Variants in VWA8 observed in about 807,000 individuals in gnomAD.
VWA8 encodes von Willebrand factor A domain-containing protein 8.
In VWA8, 221 loss-of-function variants were observed where a neutral mutation model predicts 241.5. The observed-to-expected ratio is 0.91, with a 90% CI of 0.82 to 1.02. VWA8 has a LOEUF of 1.02. Among genes scored for constraint, VWA8 ranks in the 50% least tolerant of loss-of-function variants. The pLI is 0.00. For missense variants in VWA8, 2,322 were observed against 2,328.7 expected (o/e 1.00, Z 0.06); for synonymous variants, 852 against 827.1 (o/e 1.03, Z -0.52).
chr13:41,647,861 T>G (rs2044841654), intron 37 of VWA8, among the ~76,000 whole-genome samples: 2 of 152,018 alleles, frequency 1.3e-5, no homozygotes, highest in African/African-American at 2.4e-5. Context: ...TCATGACGCA[T>G]GCCTGTAATC....
At chr13:41,599,776 G>A (rs574500405) in intron 40 of VWA8, among the ~76,000 whole-genome samples, 21 of 152,190 alleles carry the variant, frequency 1.4e-4, no homozygotes, top group African/African-American at 4.6e-4. Flanking sequence ...CATTGCAATG[G>A]GGCCAACTTT....
intron 2 of VWA8, among the ~76,000 whole-genome samples, chr13:41,914,666 T>C (rs997012436): frequency 6.6e-6 from 1 of 152,228 alleles, no homozygotes; most frequent in Non-Finnish European, 1.5e-5. Flanking sequence ...AAAAACACTT[T>C]GGGTTTTTTC....
chr13:41,580,950 T>C (rs1248415961), intron 42 of VWA8, among the ~76,000 whole-genome samples: 1 of 152,210 alleles, frequency 6.6e-6, no homozygotes, highest in Non-Finnish European at 1.5e-5. Flanking sequence ...AATGCCTTGT[T>C]TTCTTCTGTC....
rs578096236 is a variant in VWA8, at chr13:41,928,271, A to G, written c.242-16103T>C. On this transcript the variant is annotated intron_variant, in intron 2 of 44. Transcript: ENST00000379310. ...AATAAGCCTAACAGACATATTTGAA[A>G]TTTTTCATCCAACATCAGCAGTATA... Among the ~76,000 whole-genome samples, 20 of 152,300 alleles carry G rather than the reference A, an allele frequency of 1.3e-4. No individual in the cohort carries two copies. In the South Asian group the frequency reaches 4.1e-3, roughly 32 times the overall value.
chr13:41,728,646 A>G (rs947645914), intron 23 of VWA8, among the ~76,000 whole-genome samples: 2 of 151,764 alleles, frequency 1.3e-5, no homozygotes, highest in Admixed American at 6.6e-5. Context: ...GAAAGTATTC[A>G]GGGTAACTCA....
intron 17 of VWA8, among the ~76,000 whole-genome samples, chr13:41,787,992 TTTAACATTATC>T (rs1869283939): frequency 6.6e-6 from 1 of 152,182 alleles, no homozygotes; most frequent in Non-Finnish European, 1.5e-5. Context: ...TCTGAATGAA[TTTAACATTATC>T]TAGCTTCGTT....
At position 41,752,569 on chromosome 13, in the gene VWA8, T is replaced by C. The variant is rs547441513; in HGVS notation, c.2426+8559A>G. 2.8e-4 allele frequency among the ~76,000 whole-genome samples: 42 copies of C among 152,308 alleles called. No homozygotes were observed. The South Asian group carries it at 5.4e-3, about 20-fold the overall frequency. ...AACATACAGTGAATAAACCAGGTTC[T>C]TGCCCTCAAAAAGTTCCCTATTTAG... On this transcript the variant is annotated intron_variant, in intron 21 of 44. Transcript: ENST00000379310.
chr13:41,716,242 C>A (rs1394720425), intron 26 of VWA8, among the ~76,000 whole-genome samples: 1 of 151,866 alleles, frequency 6.6e-6, no homozygotes, highest in African/African-American at 2.4e-5. Flanking sequence ...AATAAAATAA[C>A]CACCCAATAA....
chr13:41,590,886 T>C, intron 40 of VWA8, 121 bp from the exon 41 acceptor site: 1 of 1,254,794 alleles, frequency 8.0e-7, no homozygotes, highest in Non-Finnish European at 1.1e-6. Flanking sequence ...TGGTTCTGCA[T>C]GAACACAGTC....
chr13:41,902,647 A>G (rs1373998950), intron 4 of VWA8, among the ~76,000 whole-genome samples: 1 of 152,238 alleles, frequency 6.6e-6, no homozygotes, highest in African/African-American at 2.4e-5. Flanking sequence ...TGACTTGCAT[A>G]ATCAGAAAAA....
intron 19 of VWA8, among the ~76,000 whole-genome samples, chr13:41,782,704 AG>A (rs1868942554): frequency 6.6e-6 from 1 of 152,070 alleles, no homozygotes; most frequent in Non-Finnish European, 1.5e-5. Flanking sequence ...TAATATGTCT[AG>A]ATACCTATAA....
chr13:41,572,494 C>G (rs1482517514), intron 43 of VWA8, among the ~76,000 whole-genome samples: 1 of 151,924 alleles, frequency 6.6e-6, no homozygotes, highest in African/African-American at 2.4e-5. Flanking sequence ...ATAACCTTAC[C>G]CCCAACCCCA....
intron 21 of VWA8, among the ~76,000 whole-genome samples, chr13:41,750,078 C>G (rs1375737220): frequency 6.6e-6 from 1 of 152,072 alleles, no homozygotes; most frequent in Non-Finnish European, 1.5e-5. Flanking sequence ...ACTGATTCCT[C>G]TTACGGATCT....
chr13:41,788,914 A>G (rs879902198), intron 17 of VWA8, among the ~76,000 whole-genome samples: 9 of 152,174 alleles, frequency 5.9e-5, no homozygotes, highest in Admixed American at 4.6e-4. Context: ...CCCTGTGTGG[A>G]AACATTTCTA....
Position 41,833,389 on chromosome 13 carries a change from G to A in VWA8, c.1568C>T (p.Thr523Met), listed in dbSNP as rs773626984. ...TACCCACCTTTGCAATACAGCAAGC[G>A]TGCCCGCATTCACCCGGTGAATGCC... ...LDGIHRVNAG[T>M]LAVLQRLIHD... Residue 523 changes from threonine (T) to methionine (M), a missense_variant, in exon 13 of 45, where the codon ACG becomes ATG. By Grantham distance (81) the Thr-to-Met change is moderately conservative (BLOSUM62 -1). Transcript: ENST00000379310. 19 of 1,611,868 alleles carry A rather than the reference G, an allele frequency of 1.2e-5. No individual in the cohort carries two copies. The highest frequency in any genetic ancestry group is 3.3e-4 in the Middle Eastern group (2 of 6,072).
chr13:41,737,638 T>C (rs9634768), intron 21 of VWA8, among the ~76,000 whole-genome samples: 9,322 of 152,280 alleles, frequency 0.061, 352 homozygotes, highest in East Asian at 0.11. Flanking sequence ...TTGTACAACA[T>C]GTTGAATATT....
At chr13:41,847,264 A>C (rs1872330306) in intron 12 of VWA8, among the ~76,000 whole-genome samples, 1 of 152,056 alleles carries the variant, frequency 6.6e-6, no homozygotes, top group Non-Finnish European at 1.5e-5. Flanking sequence ...GACACAAATA[A>C]GAAAATACCA....
intron 14 of VWA8, among the ~76,000 whole-genome samples, chr13:41,825,998 T>C (rs576637749): frequency 6.6e-6 from 1 of 152,314 alleles, no homozygotes; most frequent in East Asian, 1.9e-4. Context: ...CTGTCAGTCT[T>C]CTACTCAATA....
intron 44 of VWA8, among the ~76,000 whole-genome samples, chr13:41,569,638 G>A (rs1312511377): frequency 6.7e-6 from 1 of 148,888 alleles, no homozygotes; most frequent in East Asian, 1.9e-4. Context: ...TTGTGCTTTA[G>A]GCAGGGATTT....
Sources: allele counts gnomAD v4.1 joint callset (sites outside exome capture counted in the v4.1 genomes callset), GRCh38; gene constraint gnomAD v4.1.1; transcripts MANE v1.5; gene names NCBI Gene and HGNC (gene_info 2026-07-23, HGNC 2026-07-21).